HOXC6: variants seen among roughly 807,000 people sequenced by gnomAD.
HOXC6 encodes homeobox protein Hox-C6.
A neutral mutation model predicts 24.0 loss-of-function variants in HOXC6; 10 were observed. The observed-to-expected ratio is 0.42, with a 90% CI of 0.26 to 0.71. The LOEUF is 0.71. Ranked by LOEUF, HOXC6 falls within the 30% of genes least tolerant of loss-of-function variation. The pLI, the probability that HOXC6 is intolerant of heterozygous loss-of-function variation, is 0.28. For synonymous variants in HOXC6, 123 were observed against 128.1 expected (o/e 0.96, Z 0.27); for missense variants, 258 against 303.4 (o/e 0.85, Z 1.11).
chr12:54,030,189 G>C lies in HOXC6; in HGVS notation c.*227G>C, dbSNP rs977220574. The C allele has an allele frequency of 1.1e-5, 5 of 471,654 alleles. No individual in the cohort carries two copies. The highest frequency in any genetic ancestry group is 1.9e-5 in the Non-Finnish European group (5 of 265,900). The allele number at this position is 471,654 out of a possible 1,614,324, so 29.2% of individuals were successfully genotyped here. A position where few individuals can be genotyped will look rare whatever the true frequency, so the allele number is the denominator to read the frequency against. ...CTCCTCCTCGCTCCCTTGCTAGCTCGTTCTCGGCTTGTCTACAGGCCCTTT... is the reference window on the plus strand; with the variant it reads ...CTCCTCCTCGCTCCCTTGCTAGCTCCTTCTCGGCTTGTCTACAGGCCCTTT... On this transcript the variant is annotated 3_prime_UTR_variant, in exon 2 of 2. Coordinates refer to ENST00000243108, the MANE Select transcript of HOXC6 (RefSeq NM_004503.4).
At chr12:54,026,303 C>A (rs1285165096), upstream of HOXC6, among the ~76,000 whole-genome samples, 1 of 152,160 alleles carries the variant, frequency 6.6e-6, no homozygotes, top group Non-Finnish European at 1.5e-5. Context: ...CACCTCTTGC[C>A]CTCCAGGGGG....
At chr12:54,018,715 A>C (rs1940282651) in intron 1 of HOXC6, among the ~76,000 whole-genome samples, 1 of 151,782 alleles carries the variant, frequency 6.6e-6, no homozygotes, top group Non-Finnish European at 1.5e-5. Flanking sequence ...ATAAACGGCG[A>C]CGCACACGCA....
chr12:54,027,912 T>A (rs185550314), upstream of HOXC6, among the ~76,000 whole-genome samples: 80 of 152,228 alleles, frequency 5.3e-4, no homozygotes, highest in African/African-American at 1.0e-3. Flanking sequence ...GATTTTTTTT[T>A]AATTATTGGT....
Position 54,020,179 on chromosome 12 carries a change from C to T in HOXC6, c.-193+2765C>T, listed in dbSNP as rs1940369480. ...TGGTCCTTCCTGCAGGAGAGCCCTT[C>T]TGTGATTATCTAATAATAGCCAGGG... is the stretch of plus-strand genomic sequence containing the variant. On this transcript the variant is annotated intron_variant, in intron 1 of 2. Coordinates refer to the HOXC6 transcript ENST00000394331. The T allele has an allele frequency of 2.0e-5, 3 of 152,256 alleles. No homozygotes were observed. The South Asian group carries it at 6.2e-4, about 31-fold the overall frequency. 9.4% of individuals were successfully genotyped at this position (152,256 alleles called of 1,614,324 possible).
chr12:54,028,070 T>C (rs886416773), upstream of HOXC6, among the ~76,000 whole-genome samples: 4 of 151,998 alleles, frequency 2.6e-5, no homozygotes, highest in Non-Finnish European at 5.9e-5. Flanking sequence ...GGGGCAGATA[T>C]AAAACATGAA....
chr12:54,024,672 C>G (rs1031799440), upstream of HOXC6, among the ~76,000 whole-genome samples: 1 of 152,140 alleles, frequency 6.6e-6, no homozygotes, highest in African/African-American at 2.4e-5. Flanking sequence ...TCCCACCCAC[C>G]CTTTCCCCAG....
At chr12:54,024,335 G>A (rs1298785694), upstream of HOXC6, among the ~76,000 whole-genome samples, 2 of 152,180 alleles carry the variant, frequency 1.3e-5, no homozygotes, top group Non-Finnish European at 2.9e-5. Context: ...TGAGGCTCCA[G>A]TGCTTGGGTC....
At chr12:54,025,431 C>T (rs189986609), upstream of HOXC6, among the ~76,000 whole-genome samples, 1 of 151,760 alleles carries the variant, frequency 6.6e-6, no homozygotes, top group African/African-American at 2.4e-5. Flanking sequence ...CTGCTCTCCC[C>T]CCTTGGAGCG....
intron 1 of HOXC6, among the ~76,000 whole-genome samples, 184 bp from the exon 2 acceptor site, chr12:54,029,471 T>A (rs1200895719): frequency 8.3e-6 from 1 of 120,284 alleles, no homozygotes; most frequent in Non-Finnish European, 1.6e-5. Flanking sequence ...ATAGGAGGTC[T>A]GAAGTTGGGG....
chr12:54,026,965 G>C (rs1021183138), upstream of HOXC6, among the ~76,000 whole-genome samples: 2 of 45,180 alleles, frequency 4.4e-5, no homozygotes, highest in Admixed American at 1.9e-4. Flanking sequence ...CAAAAATGGT[G>C]GGGGGGGGGG....
At chr12:54,020,395 G>C (rs1274002127) in intron 1 of HOXC6, 1 of 152,202 alleles carries the variant, frequency 6.6e-6, no homozygotes, top group African/African-American at 2.4e-5. Context: ...TCATGTGCTG[G>C]TTCCTAGCTA....
At chr12:54,022,969 C>A (rs1007485042) in intron 1 of HOXC6, among the ~76,000 whole-genome samples, 1 of 152,174 alleles carries the variant, frequency 6.6e-6, no homozygotes, top group African/African-American at 2.4e-5. Flanking sequence ...CCTCTTGAGG[C>A]CCTATTCTGG....
upstream of HOXC6, among the ~76,000 whole-genome samples, chr12:54,026,439 CA>C (rs1432244589): frequency 6.6e-6 from 1 of 152,130 alleles, no homozygotes; most frequent in Non-Finnish European, 1.5e-5. Flanking sequence ...CAAGTCACCC[CA>C]AAAATGAGAT....
At chr12:54,017,968 C>T (rs1177165110) in intron 1 of HOXC6, among the ~76,000 whole-genome samples, 1 of 152,202 alleles carries the variant, frequency 6.6e-6, no homozygotes, top group Non-Finnish European at 1.5e-5. Flanking sequence ...GGGCCCAGGG[C>T]CGGGCCGCCG....
At chr12:54,029,520 A>C in intron 1 of HOXC6, 135 bp from the exon 2 acceptor site, 1 of 847,808 alleles carries the variant, frequency 1.2e-6, no homozygotes, top group Non-Finnish European at 1.8e-6. Context: ...GCAAGGCAAA[A>C]GGGAGAAGGC....
chr12:54,019,369 C>T (rs772748916), intron 1 of HOXC6, among the ~76,000 whole-genome samples: 107 of 152,310 alleles, frequency 7.0e-4, no homozygotes, highest in South Asian at 1.0e-3. Context: ...GCGGATCCAG[C>T]CTGCGGCAGG....
chr12:54,020,020 T>C (rs1406564221), intron 1 of HOXC6: 1 of 152,214 alleles, frequency 6.6e-6, no homozygotes, highest in Admixed American at 6.5e-5. Context: ...ACACCAACTC[T>C]CTGCTTCCCA....
chr12:54,020,999 A>G (rs1180754136), intron 1 of HOXC6: 5 of 152,252 alleles, frequency 3.3e-5, no homozygotes. Flanking sequence ...GTGGGGCTGC[A>G]AGCAGTTCGG....
At chr12:54,026,026 T>C (rs1185120348), upstream of HOXC6, among the ~76,000 whole-genome samples, 1 of 152,188 alleles carries the variant, frequency 6.6e-6, no homozygotes, top group Non-Finnish European at 1.5e-5. Context: ...CATCCTATCT[T>C]CCATCATTCA....
Sources: gnomAD v4.1 joint callset for allele counts (sites outside exome capture counted in the v4.1 genomes callset) on GRCh38, gnomAD v4.1.1 for gene constraint, MANE v1.5 for transcripts, NCBI Gene and HGNC (gene_info 2026-07-23, HGNC 2026-07-21) for gene names.